The following NEBL variants were observed in gnomAD, a reference collection of about 807,000 sequenced individuals.
The protein encoded by NEBL is nebulette.
In NEBL, 122 loss-of-function variants were observed where a neutral mutation model predicts 140.2. That is an observed-to-expected ratio of 0.87 (90% CI 0.75 to 1.01). The LOEUF (loss-of-function observed/expected upper bound fraction) is 1.01, where lower values mean the gene tolerates loss of function less well. Among genes scored for constraint, NEBL ranks in the 50% least tolerant of loss-of-function variants. The pLI, the probability that NEBL is intolerant of heterozygous loss-of-function variation, is 0.00. For missense variants in NEBL, 1,365 were observed against 1,231.3 expected (o/e 1.11, Z -1.62); for synonymous variants, 436 against 398.9 (o/e 1.09, Z -1.11).
chr10:21,107,279 A>G (rs1172655031), intron 2 of NEBL, among the ~76,000 whole-genome samples: 1 of 151,420 alleles, frequency 6.6e-6, no homozygotes, highest in Non-Finnish European at 1.5e-5. Flanking sequence ...AAGGGTGCCC[A>G]TTCGCTATGA....
chr10:21,277,975 CA>C (rs1842945089), intron 1 of NEBL, among the ~76,000 whole-genome samples: 1 of 152,148 alleles, frequency 6.6e-6, no homozygotes, highest in South Asian at 2.1e-4. Flanking sequence ...TATTCAATGA[CA>C]AAAGACCCCT....
chr10:21,127,946 A>G (rs1278693357), intron 2 of NEBL, among the ~76,000 whole-genome samples: 1 of 152,236 alleles, frequency 6.6e-6, no homozygotes, highest in African/African-American at 2.4e-5. Flanking sequence ...GGAATTAAGT[A>G]ATTATTATTA....
chr10:20,785,610 C>A lies in NEBL; in HGVS notation c.*137G>T. 1.0e-6 allele frequency: 1 copy of A among 992,042 alleles called. No individual in the cohort carries two copies. Among genetic ancestry groups the A allele is most frequent in the Non-Finnish European group, 1.5e-6 (1 of 653,246 alleles). 61.5% of individuals were successfully genotyped at this position (992,042 alleles called of 1,614,324 possible). A position where few individuals can be genotyped will look rare whatever the true frequency, so the allele number is the denominator to read the frequency against. Reference sequence around the variant, plus strand: ...CAGAGGTCATTCCTTCTTCCTGGTACCTGTGTGTCTAATTGTCAAAGGAAG... The same window carrying A: ...CAGAGGTCATTCCTTCTTCCTGGTAACTGTGTGTCTAATTGTCAAAGGAAG... On this transcript the variant is annotated 3_prime_UTR_variant, in exon 28 of 28. Coordinates refer to ENST00000377122, the MANE Select transcript of NEBL (RefSeq NM_006393.3).
intron 3 of NEBL, among the ~76,000 whole-genome samples, chr10:21,237,574 C>A (rs1004358876): frequency 6.6e-6 from 1 of 151,870 alleles, no homozygotes; most frequent in Non-Finnish European, 1.5e-5. Flanking sequence ...TCCTTGGAGA[C>A]CATACAGCAT....
intron 2 of NEBL, among the ~76,000 whole-genome samples, chr10:21,100,261 A>G (rs1214714622): frequency 6.6e-6 from 1 of 152,176 alleles, no homozygotes; most frequent in African/African-American, 2.4e-5. Context: ...ATTCCCCACC[A>G]TCAGCCGGTC....
At chr10:21,270,515 C>T (rs1043666503) in intron 1 of NEBL, among the ~76,000 whole-genome samples, 9 of 152,034 alleles carry the variant, frequency 5.9e-5, no homozygotes, top group South Asian at 2.1e-4. Context: ...TACAGGTGTG[C>T]GCCACCACAC....
chr10:21,166,991 C>T (rs1840805758), intron 2 of NEBL, among the ~76,000 whole-genome samples: 2 of 152,150 alleles, frequency 1.3e-5, no homozygotes, highest in African/African-American at 4.8e-5. Context: ...TTAGGAAAGG[C>T]ACTAATGAGG....
chr10:21,268,200 G>A (rs117989502), intron 1 of NEBL, among the ~76,000 whole-genome samples: 1 of 152,160 alleles, frequency 6.6e-6, no homozygotes, highest in Non-Finnish European at 1.5e-5. Context: ...GCTGGACGTG[G>A]GATTATGCCT....
chr10:21,124,457 T>A (rs2132052031), intron 2 of NEBL, among the ~76,000 whole-genome samples: 1 of 152,262 alleles, frequency 6.6e-6, no homozygotes, highest in East Asian at 1.9e-4. Flanking sequence ...GATAAATGCT[T>A]ACAGAGTGGC....
At chr10:21,023,891 C>T (rs1838911006) in intron 2 of NEBL, among the ~76,000 whole-genome samples, 1 of 151,862 alleles carries the variant, frequency 6.6e-6, no homozygotes, top group East Asian at 1.9e-4. Flanking sequence ...CACTTGCTGC[C>T]CATACCACTA....
intron 3 of NEBL, among the ~76,000 whole-genome samples, chr10:21,184,774 G>A (rs1165605149): frequency 6.6e-6 from 1 of 152,278 alleles, no homozygotes; most frequent in South Asian, 2.1e-4. Context: ...CTGATACTTT[G>A]TTAAGCGAAA....
At chr10:20,876,222 T>C (rs974207499) in intron 5 of NEBL, among the ~76,000 whole-genome samples, 1 of 152,252 alleles carries the variant, frequency 6.6e-6, no homozygotes, top group Admixed American at 6.5e-5. Context: ...TACAGAGTTA[T>C]GGCCAGAATG....
chr10:21,036,314 C>T (rs567528075), intron 2 of NEBL, among the ~76,000 whole-genome samples: 2 of 152,030 alleles, frequency 1.3e-5, no homozygotes, highest in East Asian at 1.9e-4. Flanking sequence ...ATTAGCCAGG[C>T]GTGCTGGTGT....
At chr10:20,821,709 A>G (rs1431673466) in intron 19 of NEBL, among the ~76,000 whole-genome samples, 2 of 152,156 alleles carry the variant, frequency 1.3e-5, no homozygotes, top group Non-Finnish European at 2.9e-5. Flanking sequence ...CATAATATCT[A>G]CCGGAATGCC....
intron 17 of NEBL, among the ~76,000 whole-genome samples, chr10:20,826,831 C>G (rs1839929077): frequency 6.6e-6 from 1 of 152,192 alleles, no homozygotes; most frequent in Non-Finnish European, 1.5e-5. Context: ...ACCAGAGTTC[C>G]TTTCTTCAAA....
At chr10:21,240,945 C>CACAA (rs1554834585) in intron 3 of NEBL, among the ~76,000 whole-genome samples, 22 of 148,948 alleles carry the variant, frequency 1.5e-4, no homozygotes, top group Non-Finnish European at 1.0e-4. Context: ...CACACACACA[C>CACAA]AAAACCAGTA....
chr10:20,969,030 T>C (rs1445287720), intron 3 of NEBL, among the ~76,000 whole-genome samples: 1 of 152,200 alleles, frequency 6.6e-6, no homozygotes, highest in Admixed American at 6.5e-5. Context: ...GTGCTAAGCA[T>C]AGATTAAAAG....
intron 14 of NEBL, among the ~76,000 whole-genome samples, chr10:20,831,887 T>G (rs557632497): frequency 6.6e-6 from 1 of 152,276 alleles, no homozygotes; most frequent in African/African-American, 2.4e-5. Context: ...TTGGGTCATA[T>G]ATGGCTTAGT....
At chr10:20,952,328 T>C (rs1185811623) in intron 4 of NEBL, among the ~76,000 whole-genome samples, 2 of 150,298 alleles carry the variant, frequency 1.3e-5, no homozygotes, top group Non-Finnish European at 2.9e-5. Flanking sequence ...TCCCAGCTAC[T>C]AGGGAGGCTG....
Sources: gnomAD v4.1 joint callset for allele counts (sites outside exome capture counted in the v4.1 genomes callset) on GRCh38, gnomAD v4.1.1 for gene constraint, MANE v1.5 for transcripts, NCBI Gene and HGNC (gene_info 2026-07-23, HGNC 2026-07-21) for gene names.